Variants in PXT1 observed in about 807,000 individuals in gnomAD.
PXT1 encodes peroxisomal testis-specific protein 1.
PXT1 carries 11 observed loss-of-function variants against 11.0 expected under a neutral mutation model. The ratio of observed to expected loss-of-function variants is 1.00; its 90% CI spans 0.63 to 1.66. The LOEUF (loss-of-function observed/expected upper bound fraction) is 1.66, where lower values mean the gene tolerates loss of function less well. Among genes scored for constraint, PXT1 ranks in the 40% most tolerant of loss-of-function variants. The pLI, the probability that PXT1 is intolerant of heterozygous loss-of-function variation, is 0.00. For missense variants in PXT1, 141 were observed against 155.5 expected, an observed-to-expected ratio of 0.91 and a Z score of 0.49; for synonymous variants, 43 against 51.4, an observed-to-expected ratio of 0.84 and a Z score of 0.70.
chr6:36,439,968 T>G (rs1774831506), intron 1 of PXT1, among the ~76,000 whole-genome samples: 1 of 152,140 alleles, frequency 6.6e-6, no homozygotes, highest in African/African-American at 2.4e-5. Flanking sequence ...GGTGGTGGCC[T>G]GCACCTGTAG....
chr6:36,418,267 T>G (rs1041293580), intron 3 of PXT1, among the ~76,000 whole-genome samples: 1 of 152,220 alleles, frequency 6.6e-6, no homozygotes, highest in Non-Finnish European at 1.5e-5. Flanking sequence ...TTGTTTGTTT[T>G]TTAAGCTCCC....
At chr6:36,425,037 C>G (rs1469556836) in intron 3 of PXT1, among the ~76,000 whole-genome samples, 4 of 152,088 alleles carry the variant, frequency 2.6e-5, no homozygotes, top group Non-Finnish European at 4.4e-5. Context: ...GTTCATAATC[C>G]CTCTCAGGTA....
chr6:36,426,503 T>C (rs1582268466), intron 2 of PXT1, among the ~76,000 whole-genome samples: 1 of 152,074 alleles, frequency 6.6e-6, no homozygotes, highest in Admixed American at 6.6e-5. Context: ...CCTGAGTAGC[T>C]GGGATCACAG....
At chr6:36,428,830 A>G (rs1353007283) in intron 2 of PXT1, among the ~76,000 whole-genome samples, 1 of 151,544 alleles carries the variant, frequency 6.6e-6, no homozygotes, top group Non-Finnish European at 1.5e-5. Context: ...TAATTTCTGT[A>G]TTTTTAGTAG....
intron 3 of PXT1, among the ~76,000 whole-genome samples, chr6:36,409,964 A>AT (rs1774344793): frequency 2.8e-5 from 1 of 35,296 alleles, no homozygotes; most frequent in Non-Finnish European, 4.7e-5. Context: ...AGGAAGAAAG[A>AT]GAAAAAAGAA....
intron 3 of PXT1, among the ~76,000 whole-genome samples, chr6:36,403,897 T>C (rs1464933185): frequency 6.6e-6 from 1 of 152,160 alleles, no homozygotes; most frequent in East Asian, 1.9e-4. Context: ...TAGGTACCTT[T>C]ATGATGTTTT....
chr6:36,441,001 TC>T (rs903810890), intron 1 of PXT1, among the ~76,000 whole-genome samples: 11 of 151,814 alleles, frequency 7.2e-5, no homozygotes, highest in African/African-American at 2.7e-4. Context: ...GTGCAGTGGC[TC>T]ATGCCTGTAA....
Position 36,437,553 on chromosome 6 carries a change from G to A in PXT1, c.-10+1214C>T, listed in dbSNP as rs1248014406. 3.5e-5 allele frequency among the ~76,000 whole-genome samples: 5 copies of A among 142,804 alleles called. No homozygotes were observed. In the South Asian group the frequency reaches 6.7e-4, roughly 19 times the overall value. The allele number at this position is 142,804 out of a possible 152,430, so 93.7% of individuals were successfully genotyped here. A position where few individuals can be genotyped will look rare whatever the true frequency, so the allele number is the denominator to read the frequency against. On this transcript the variant is annotated intron_variant, in intron 2 of 4. Transcript: ENST00000454782. The stretch of plus-strand genomic sequence containing the variant: ...TTTGGAGATGGAGTCTTGCTCTGTC[G>A]CCCAGGCTGGAGTGCAATGGCGCGA...
At chr6:36,441,000 C>T (rs1231460199) in intron 1 of PXT1, among the ~76,000 whole-genome samples, 1 of 151,774 alleles carries the variant, frequency 6.6e-6, no homozygotes, top group African/African-American at 2.4e-5. Flanking sequence ...AGTGCAGTGG[C>T]TCATGCCTGT....
intron 3 of PXT1, among the ~76,000 whole-genome samples, chr6:36,402,118 C>T (rs1774223530): frequency 2.0e-5 from 3 of 152,074 alleles, no homozygotes; most frequent in Admixed American, 2.0e-4. Flanking sequence ...TGCCCAGCCC[C>T]ATTTAATATT....
At chr6:36,408,876 CA>C (rs61307954) in intron 3 of PXT1, among the ~76,000 whole-genome samples, 1,896 of 144,410 alleles carry the variant, frequency 0.013, 19 homozygotes, top group South Asian at 0.019. Context: ...GACCATGTTT[CA>C]AAAAAAAAAA....
chr6:36,400,723 C>A (rs1018455288), intron 3 of PXT1, 139 bp from the exon 4 acceptor site: 3 of 832,896 alleles, frequency 3.6e-6, no homozygotes, highest in Non-Finnish European at 5.3e-6. Flanking sequence ...AATCCCAGCA[C>A]TTTAGGAGGC....
intron 3 of PXT1, among the ~76,000 whole-genome samples, chr6:36,410,902 AAT>A (rs1376623499): frequency 1.3e-5 from 2 of 152,212 alleles, no homozygotes; most frequent in African/African-American, 2.4e-5. Context: ...CTTGGATTCA[AAT>A]ATAAAATCTG....
At chr6:36,438,299 A>T (rs1308024132) in intron 2 of PXT1, among the ~76,000 whole-genome samples, 1 of 152,244 alleles carries the variant, frequency 6.6e-6, no homozygotes, top group Non-Finnish European at 1.5e-5. Context: ...CCAATAAAAT[A>T]AAACATATAA....
At chr6:36,395,052 A>G (rs1774124065) in intron 4 of PXT1, among the ~76,000 whole-genome samples, 1 of 152,170 alleles carries the variant, frequency 6.6e-6, no homozygotes, top group Non-Finnish European at 1.5e-5. Flanking sequence ...TATGTTGCCC[A>G]GGCTGGTCTC....
chr6:36,436,029 A>C (rs2127418931), intron 2 of PXT1, among the ~76,000 whole-genome samples: 1 of 152,188 alleles, frequency 6.6e-6, no homozygotes, highest in South Asian at 2.1e-4. Context: ...ACTTTTTCAA[A>C]AAATAAACTG....
intron 4 of PXT1, among the ~76,000 whole-genome samples, chr6:36,396,410 A>T (rs1275492941): frequency 6.6e-6 from 1 of 152,074 alleles, no homozygotes; most frequent in African/African-American, 2.4e-5. Flanking sequence ...GAAGCACCCT[A>T]CCCCTACCCC....
At chr6:36,408,315 C>G (rs922772666) in intron 3 of PXT1, among the ~76,000 whole-genome samples, 1 of 147,214 alleles carries the variant, frequency 6.8e-6, no homozygotes, top group Admixed American at 6.8e-5. Flanking sequence ...CTCTGCTTCT[C>G]TCTGTTGCAG....
chr6:36,391,605 C>T lies in PXT1; in HGVS notation c.*165G>A, dbSNP rs1241942088. 1.6e-6 allele frequency: 1 copy of T among 644,868 alleles called. No homozygotes were observed. The highest frequency in any genetic ancestry group is 2.8e-6 in the Non-Finnish European group (1 of 358,204). 39.9% of individuals were successfully genotyped at this position (644,868 alleles called of 1,614,324 possible). A position where few individuals can be genotyped will look rare whatever the true frequency, so the allele number is the denominator to read the frequency against. ...CTAGCTCCTCCGAAGAGACAAATGG[C>T]TCGTGAACCCGCAGTTCTTCAACAA... On this transcript the variant is annotated 3_prime_UTR_variant, in exon 5 of 5. Coordinates refer to ENST00000454782, the MANE Select transcript of PXT1 (RefSeq NM_152990.4).
Sources: allele counts gnomAD v4.1 joint callset (sites outside exome capture counted in the v4.1 genomes callset), GRCh38; gene constraint gnomAD v4.1.1; transcripts MANE v1.5; gene names NCBI Gene and HGNC (gene_info 2026-07-23, HGNC 2026-07-21).